The following CNTN3 variants were observed in gnomAD, a reference collection of about 807,000 sequenced individuals.
The protein encoded by CNTN3 is contactin-3.
In CNTN3, 60 loss-of-function variants were observed where a neutral mutation model predicts 119.1. The observed-to-expected ratio is 0.50, with a 90% CI of 0.41 to 0.62. The LOEUF (loss-of-function observed/expected upper bound fraction) is 0.62. Among genes scored for constraint, CNTN3 ranks in the 20% least tolerant of loss-of-function variants. The pLI is 0.00. For synonymous variants in CNTN3, 450 were observed against 438.7 expected, an observed-to-expected ratio of 1.03 and a Z score of -0.32; for missense variants, 1,101 against 1,242.4, an observed-to-expected ratio of 0.89 and a Z score of 1.71.
At chr3:74,346,357 A>G (rs1305551649) in intron 11 of CNTN3, among the ~76,000 whole-genome samples, 1 of 152,002 alleles carries the variant, frequency 6.6e-6, no homozygotes, top group Non-Finnish European at 1.5e-5. Context: ...CTTTTCCAAA[A>G]CAGGATAGAT....
In CNTN3 at chr3:74,324,761, A is replaced by G. The variant is rs1317512479; in HGVS notation, c.1668+9974T>C. ...AACTAATGAAAATTCTTAGCCAAAG[A>G]AGAAGGTAGACTTGTTTGATTACTC... On this transcript the variant is annotated intron_variant, in intron 13 of 22. Coordinates refer to ENST00000263665, the MANE Select transcript of CNTN3 (RefSeq NM_020872.3). Among the ~76,000 whole-genome samples, 3 of 152,174 alleles carry G rather than the reference A, an allele frequency of 2.0e-5. 1 individual carries two copies. Among genetic ancestry groups the G allele is most frequent in the Admixed American group, 2.0e-4 (3 of 15,276 alleles).
chr3:74,578,956 T>C (rs1704459335), intron 1 of CNTN3, among the ~76,000 whole-genome samples: 1 of 151,946 alleles, frequency 6.6e-6, no homozygotes, highest in African/African-American at 2.4e-5. Context: ...TCTGCTGCAA[T>C]TAAAAGGCAA....
At chr3:74,577,833 A>G (rs771518288) in intron 1 of CNTN3, among the ~76,000 whole-genome samples, 33 of 152,128 alleles carry the variant, frequency 2.2e-4, no homozygotes, top group African/African-American at 4.8e-5. Context: ...TATTAATTAC[A>G]TTACTGAAAC....
intron 4 of CNTN3, among the ~76,000 whole-genome samples, chr3:74,440,557 A>G (rs1701946605): frequency 6.6e-6 from 1 of 151,940 alleles, no homozygotes; most frequent in African/African-American, 2.4e-5. Flanking sequence ...AGCCTTCTGT[A>G]TCCATAGGTT....
intron 5 of CNTN3, 54 bp downstream of exon 5, chr3:74,424,791 G>A: frequency 7.0e-7 from 1 of 1,418,946 alleles, no homozygotes; most frequent in Non-Finnish European, 9.9e-7. Flanking sequence ...ATGCGCTGCA[G>A]GCCTTGCCCT....
chr3:74,470,034 G>A (rs1403163661), intron 4 of CNTN3, among the ~76,000 whole-genome samples: 2 of 152,080 alleles, frequency 1.3e-5, no homozygotes, highest in Admixed American at 6.6e-5. Flanking sequence ...AAACAGGAAC[G>A]AAGTACTGAC....
intron 13 of CNTN3, among the ~76,000 whole-genome samples, chr3:74,332,565 C>A (rs563378743): frequency 2.6e-5 from 4 of 152,308 alleles, no homozygotes; most frequent in African/African-American, 9.6e-5. Flanking sequence ...GTTTTTAACT[C>A]CAAGCTTTTC....
chr3:74,524,736 C>T (rs1375682700), intron 1 of CNTN3, among the ~76,000 whole-genome samples: 1 of 151,862 alleles, frequency 6.6e-6, no homozygotes, highest in Non-Finnish European at 1.5e-5. Context: ...AACCAAAAGG[C>T]TCAGCAGAGG....
intron 4 of CNTN3, among the ~76,000 whole-genome samples, chr3:74,468,053 C>A (rs1301851624): frequency 6.6e-6 from 1 of 152,184 alleles, no homozygotes; most frequent in Admixed American, 6.5e-5. Flanking sequence ...CTGATAATGT[C>A]TCCAGCTTTG....
At chr3:74,546,736 T>A (rs941178685) in intron 1 of CNTN3, among the ~76,000 whole-genome samples, 2 of 152,134 alleles carry the variant, frequency 1.3e-5, no homozygotes, top group South Asian at 2.1e-4. Context: ...ACTGGCTTCC[T>A]TGCTCCTGAG....
At chr3:74,347,605 T>G (rs925234177) in intron 11 of CNTN3, among the ~76,000 whole-genome samples, 2 of 152,240 alleles carry the variant, frequency 1.3e-5, no homozygotes, top group African/African-American at 2.4e-5. Context: ...CTAAAAAAAT[T>G]TTATCTTTTC....
chr3:74,409,209 CCAAA>C (rs1190283577), intron 5 of CNTN3, among the ~76,000 whole-genome samples: 2 of 152,068 alleles, frequency 1.3e-5, no homozygotes, highest in Non-Finnish European at 2.9e-5. Flanking sequence ...CTGACTAAAA[CCAAA>C]CAAAGCAAGA....
At chr3:74,418,455 C>T (rs894810593) in intron 5 of CNTN3, among the ~76,000 whole-genome samples, 3 of 143,520 alleles carry the variant, frequency 2.1e-5, no homozygotes, top group Admixed American at 7.5e-5. Context: ...AATTCTCCTG[C>T]CTCAGATTCC....
chr3:74,600,081 A>T (rs943799420), intron 1 of CNTN3, among the ~76,000 whole-genome samples: 2 of 152,070 alleles, frequency 1.3e-5, no homozygotes, highest in Admixed American at 1.3e-4. Context: ...CAAGTGAGGA[A>T]GAAAAAAGAG....
intron 5 of CNTN3, among the ~76,000 whole-genome samples, chr3:74,400,864 A>G (rs1019290387): frequency 6.6e-6 from 1 of 152,176 alleles, no homozygotes; most frequent in Non-Finnish European, 1.5e-5. Context: ...GACTTTAAGG[A>G]TTGATTTGCA....
intron 4 of CNTN3, among the ~76,000 whole-genome samples, chr3:74,485,131 C>A (rs1409651784): frequency 1.3e-5 from 2 of 151,244 alleles, no homozygotes; most frequent in African/African-American, 4.9e-5. Context: ...TTATACATAT[C>A]CAAACATATA....
At chr3:74,436,696 C>T (rs1327903943) in intron 4 of CNTN3, among the ~76,000 whole-genome samples, 2 of 152,072 alleles carry the variant, frequency 1.3e-5, no homozygotes, top group African/African-American at 4.8e-5. Context: ...TTCCTCTCCC[C>T]AAAACCAGTG....
rs369703868 is a variant in CNTN3, at chr3:74,302,811, T to C, written c.1669-4A>G. 361 of 1,577,760 alleles carry C rather than the reference T, an allele frequency of 2.3e-4. No homozygotes were observed. In the Middle Eastern group the frequency reaches 5.0e-3, roughly 22 times the overall value. On this transcript the variant is annotated splice_polypyrimidine_tract_variant and splice_region_variant and intron_variant, in intron 13 of 22. Transcript: ENST00000263665. ...TCATTAAATCACCAGATGAACTCTG[T>C]TGGGAAAACAGGTAATGAATACACT...
chr3:74,595,052 G>C (rs1424575328), intron 1 of CNTN3, among the ~76,000 whole-genome samples: 1 of 152,132 alleles, frequency 6.6e-6, no homozygotes, highest in South Asian at 2.1e-4. Flanking sequence ...GGCCAGTGAT[G>C]ATGAGCATTT....
Sources: allele counts gnomAD v4.1 joint callset (sites outside exome capture counted in the v4.1 genomes callset), GRCh38; gene constraint gnomAD v4.1.1; transcripts MANE v1.5; gene names NCBI Gene and HGNC (gene_info 2026-07-23, HGNC 2026-07-21).